The following SNX10 variants were observed in gnomAD, a reference collection of about 807,000 sequenced individuals.
The protein encoded by SNX10 is sorting nexin 10.
SNX10 carries 25 observed loss-of-function variants against 28.5 expected under a neutral mutation model. The observed-to-expected ratio is 0.88, with a 90% CI of 0.64 to 1.22. The LOEUF (loss-of-function observed/expected upper bound fraction) is 1.22, where lower values mean the gene tolerates loss of function less well. SNX10 is among the 50% of genes most tolerant of loss of function. SNX10 has a pLI of 0.00. For missense variants in SNX10, 223 were observed against 242.6 expected (o/e 0.92, Z 0.54); for synonymous variants, 62 against 81.4 (o/e 0.76, Z 1.28).
Position 26,339,509 on chromosome 7 carries a change from TTTG to T in SNX10, c.-23-6901_-23-6899del, listed in dbSNP as rs150422466. Among the ~76,000 whole-genome samples the T allele has an allele frequency of 5.7e-3, 869 of 151,262 alleles. 8 individuals are homozygous for T. Among genetic ancestry groups the T allele is most frequent in the African/African-American group, 0.02 (819 of 41,094 alleles). Reference sequence around the variant, plus strand: ...TTTAGGGTTTTTTTCTTTGTTTTTGTTTGTTGTTGTTGAGCTTGATCTTTTTTT... The same window carrying T: ...TTTAGGGTTTTTTTCTTTGTTTTTGTTTGTTGTTGAGCTTGATCTTTTTTT... On this transcript the variant is annotated intron_variant, in intron 1 of 6. Coordinates refer to ENST00000338523, the MANE Select transcript of SNX10 (RefSeq NM_013322.3).
At chr7:26,346,604 G>T in intron 2 of SNX10, 138 bp downstream of exon 2, 1 of 723,678 alleles carries the variant, frequency 1.4e-6, no homozygotes. Flanking sequence ...TCCTGTACCT[G>T]CTCCTCTACT....
intron 1 of SNX10, among the ~76,000 whole-genome samples, chr7:26,310,683 A>AT (rs5883024): frequency 1.5e-3 from 205 of 140,298 alleles, no homozygotes; most frequent in Admixed American, 2.4e-3. Flanking sequence ...GCGAGGAACA[A>AT]TTTTTTTTTT....
At chr7:26,293,316 T>A (rs1473576100) in intron 1 of SNX10, among the ~76,000 whole-genome samples, 1 of 152,190 alleles carries the variant, frequency 6.6e-6, no homozygotes, top group Non-Finnish European at 1.5e-5. Context: ...TCCTCCCACC[T>A]CAGCCTCCCT....
At chr7:26,344,650 C>T (rs1788310451) in intron 1 of SNX10, among the ~76,000 whole-genome samples, 1 of 152,158 alleles carries the variant, frequency 6.6e-6, no homozygotes, top group Non-Finnish European at 1.5e-5. Flanking sequence ...AGGAAGTCGC[C>T]TCCAAAGCTC....
At chr7:26,348,588 G>T (rs1788479949) in intron 2 of SNX10, among the ~76,000 whole-genome samples, 1 of 152,194 alleles carries the variant, frequency 6.6e-6, no homozygotes, top group Admixed American at 6.5e-5. Context: ...TATCCTCCCA[G>T]CACCCATGTG....
chr7:26,339,528 A>ATTT (rs1788090998), intron 1 of SNX10, among the ~76,000 whole-genome samples: 1 of 101,652 alleles, frequency 9.8e-6, no homozygotes, highest in African/African-American at 4.2e-5. Flanking sequence ...GTTGAGCTTG[A>ATTT]TCTTTTTTTT....
At chr7:26,363,165 G>A (rs1789152152) in intron 3 of SNX10, among the ~76,000 whole-genome samples, 1 of 152,154 alleles carries the variant, frequency 6.6e-6, no homozygotes, top group African/African-American at 2.4e-5. Context: ...CCACCCACAG[G>A]ATGTTATTTG....
chr7:26,327,254 G>A (rs1179165360), intron 1 of SNX10, among the ~76,000 whole-genome samples: 3 of 152,056 alleles, frequency 2.0e-5, no homozygotes, highest in Admixed American at 6.6e-5. Context: ...CCCGGGTCTT[G>A]TTAATTATCT....
intron 1 of SNX10, among the ~76,000 whole-genome samples, chr7:26,340,021 T>A (rs1314908609): frequency 6.6e-6 from 1 of 151,988 alleles, no homozygotes; most frequent in Non-Finnish European, 1.5e-5. Context: ...TTTTAAATAA[T>A]GATATAAACC....
chr7:26,360,885 G>A lies in SNX10; in HGVS notation c.25-90G>A, dbSNP rs1584169281. On this transcript the variant is annotated intron_variant, in intron 2 of 6. Coordinates refer to ENST00000338523, the MANE Select transcript of SNX10 (RefSeq NM_013322.3). ...ACCACATTGGTTAAAGCTCATTTCAGTTTTGTTTTAGTGCAGTCGTTTTGT... is the reference window on the plus strand; with the variant it reads ...ACCACATTGGTTAAAGCTCATTTCAATTTTGTTTTAGTGCAGTCGTTTTGT... The A allele has an allele frequency of 2.6e-5, 40 of 1,562,460 alleles. No homozygotes were observed. The East Asian group carries it at 8.7e-4, about 34-fold the overall frequency.
At chr7:26,306,119 G>A (rs1021327732) in intron 1 of SNX10, among the ~76,000 whole-genome samples, 12 of 151,842 alleles carry the variant, frequency 7.9e-5, no homozygotes, top group Non-Finnish European at 1.3e-4. Context: ...GGCCAGGCTG[G>A]TCTCGAACTC....
chr7:26,356,980 C>T (rs1481037129), intron 2 of SNX10: 2 of 845,898 alleles, frequency 2.4e-6, no homozygotes, highest in Admixed American at 3.8e-5. Flanking sequence ...TTTTCCTTTC[C>T]TGAAGGCAGT....
chr7:26,297,462 A>G (rs890188114), intron 1 of SNX10, among the ~76,000 whole-genome samples: 4 of 152,224 alleles, frequency 2.6e-5, no homozygotes, highest in Non-Finnish European at 5.9e-5. Flanking sequence ...CAGAGACCAT[A>G]AAGGAAAATA....
chr7:26,323,043 T>C (rs1446431032), intron 1 of SNX10, among the ~76,000 whole-genome samples: 1 of 150,612 alleles, frequency 6.6e-6, no homozygotes, highest in Non-Finnish European at 1.5e-5. Flanking sequence ...GGCCCAGGAG[T>C]TCAAGACTAG....
chr7:26,316,198 C>A (rs201513875), intron 1 of SNX10, among the ~76,000 whole-genome samples: 5,509 of 142,236 alleles, frequency 0.039, 186 homozygotes, highest in East Asian at 0.2. Context: ...AAAAAAAAAA[C>A]AAAAAACCTA....
intron 1 of SNX10, among the ~76,000 whole-genome samples, chr7:26,321,978 C>T (rs1183835103): frequency 6.6e-6 from 1 of 152,162 alleles, no homozygotes; most frequent in Non-Finnish European, 1.5e-5. Flanking sequence ...AGCTGCATTG[C>T]TCATGCCACT....
intron 1 of SNX10, among the ~76,000 whole-genome samples, chr7:26,300,539 GT>G (rs1786295039): frequency 6.6e-6 from 1 of 152,184 alleles, no homozygotes; most frequent in African/African-American, 2.4e-5. Context: ...CTAGGGAGGG[GT>G]GGTCTCTGCT....
intron 5 of SNX10, among the ~76,000 whole-genome samples, chr7:26,365,982 G>A (rs1411647920): frequency 6.6e-6 from 1 of 152,186 alleles, no homozygotes; most frequent in East Asian, 1.9e-4. Flanking sequence ...AAGCACTCAT[G>A]ACAGTGTCTG....
rs2128031226 is a variant in SNX10 at position 26,374,110 on chromosome 7, C to T, written c.*1538C>T. The T allele has an allele frequency of 6.6e-6, 1 of 151,996 alleles. No homozygotes were observed. Among genetic ancestry groups the T allele is most frequent in the Admixed American group, 6.5e-5 (1 of 15,282 alleles). 9.4% of individuals were successfully genotyped at this position (151,996 alleles called of 1,614,324 possible). ...GCTAATATGTAAAGTTCATGCCATC[C>T]AGGCATTTAAGAGCGATCCTCATCC... On this transcript the variant is annotated 3_prime_UTR_variant, in exon 7 of 7. Coordinates refer to ENST00000338523, the MANE Select transcript of SNX10 (RefSeq NM_013322.3).
Sources: gnomAD v4.1 joint callset for allele counts (sites outside exome capture counted in the v4.1 genomes callset) on GRCh38, gnomAD v4.1.1 for gene constraint, MANE v1.5 for transcripts, NCBI Gene and HGNC (gene_info 2026-07-23, HGNC 2026-07-21) for gene names.